AGBL4: variants seen among roughly 807,000 people sequenced by gnomAD.
AGBL4 encodes cytosolic carboxypeptidase 6.
AGBL4 carries 58 observed loss-of-function variants against 66.4 expected under a neutral mutation model. The observed-to-expected ratio is 0.87, with a 90% CI of 0.71 to 1.09. AGBL4 has a LOEUF of 1.09. Ranked by LOEUF, AGBL4 falls within the 50% of genes least tolerant of loss-of-function variation. The pLI is 0.00. For missense variants in AGBL4, 579 were observed against 631.0 expected (o/e 0.92, Z 0.88); for synonymous variants, 234 against 222.9 (o/e 1.05, Z -0.44).
intron 4 of AGBL4, among the ~76,000 whole-genome samples, chr1:49,052,577 T>C (rs1644239205): frequency 6.6e-6 from 1 of 152,148 alleles, no homozygotes; most frequent in African/African-American, 2.4e-5. Flanking sequence ...GGGTATGGGA[T>C]GGTACATGAG....
intron 2 of AGBL4, among the ~76,000 whole-genome samples, chr1:49,806,645 T>C (rs2147960585): frequency 6.6e-6 from 1 of 152,310 alleles, no homozygotes; most frequent in South Asian, 2.1e-4. Context: ...AAGATTAATA[T>C]GAATCAGCCA....
intron 6 of AGBL4, among the ~76,000 whole-genome samples, chr1:48,773,227 A>G (rs1644921188): frequency 6.6e-6 from 1 of 152,172 alleles, no homozygotes. Context: ...CTCTAGGCAC[A>G]GAGAAACCAG....
chr1:49,746,110 A>C (rs1369114854), intron 2 of AGBL4, among the ~76,000 whole-genome samples: 1 of 152,022 alleles, frequency 6.6e-6, no homozygotes, highest in Admixed American at 6.6e-5. Context: ...CACACAGTTT[A>C]TTCATCAGTA....
chr1:49,246,087 C>A (rs1651622952), intron 3 of AGBL4, among the ~76,000 whole-genome samples: 2 of 151,822 alleles, frequency 1.3e-5, no homozygotes, highest in Non-Finnish European at 2.9e-5. Flanking sequence ...ATTTTAGAAC[C>A]AACTCTACTG....
chr1:49,668,632 A>G (rs1210326736), intron 3 of AGBL4, among the ~76,000 whole-genome samples: 1 of 152,168 alleles, frequency 6.6e-6, no homozygotes, highest in Non-Finnish European at 1.5e-5. Flanking sequence ...TGCATCAGCA[A>G]TTGTCAAGTT....
chr1:49,223,970 T>A (rs963721199), intron 4 of AGBL4, among the ~76,000 whole-genome samples: 2 of 152,188 alleles, frequency 1.3e-5, no homozygotes, highest in African/African-American at 4.8e-5. Flanking sequence ...CAGGCTTTAT[T>A]ATTAAATCAT....
chr1:49,051,927 C>G (rs1430609360), intron 4 of AGBL4, among the ~76,000 whole-genome samples: 1 of 152,096 alleles, frequency 6.6e-6, no homozygotes, highest in African/African-American at 2.4e-5. Context: ...TTATCAGGGG[C>G]TGATGGGCAC....
In AGBL4 at chr1:48,534,074, T is replaced by G. The variant is rs1314367369; in HGVS notation, c.*99A>C. On this transcript the variant is annotated 3_prime_UTR_variant, in exon 14 of 14. Coordinates refer to ENST00000371839, the MANE Select transcript of AGBL4 (RefSeq NM_032785.4). ...TCCCTTTCACTAGCCTATGCATTAATCCACAAATCCTTGGAAGCTAGAGAA... is the reference window on the plus strand; with the variant it reads ...TCCCTTTCACTAGCCTATGCATTAAGCCACAAATCCTTGGAAGCTAGAGAA... 1 of 1,524,984 alleles carries G rather than the reference T, an allele frequency of 6.6e-7. No individual in the cohort carries two copies. Among genetic ancestry groups the G allele is most frequent in the Admixed American group, 2.0e-5 (1 of 50,916 alleles). 94.5% of individuals were successfully genotyped at this position (1,524,984 alleles called of 1,614,324 possible). A position where few individuals can be genotyped will look rare whatever the true frequency, so the allele number is the denominator to read the frequency against.
chr1:48,575,515 G>A (rs1025449678), intron 11 of AGBL4, among the ~76,000 whole-genome samples: 1 of 152,076 alleles, frequency 6.6e-6, no homozygotes, highest in African/African-American at 2.4e-5. Flanking sequence ...GTGGGTCACT[G>A]GTGCTTCACT....
At chr1:49,924,813 C>T (rs1652600578) in intron 1 of AGBL4, among the ~76,000 whole-genome samples, 1 of 152,156 alleles carries the variant, frequency 6.6e-6, no homozygotes, top group African/African-American at 2.4e-5. Context: ...TGAAGAGGAG[C>T]TTCCACCAAT....
chr1:49,329,133 C>G (rs985318321), intron 3 of AGBL4, among the ~76,000 whole-genome samples: 24 of 151,730 alleles, frequency 1.6e-4, no homozygotes, highest in Non-Finnish European at 2.6e-4. Context: ...ATGGTGAAAC[C>G]CTGTCTCTAC....
At chr1:49,175,926 T>C (rs1646822425) in intron 4 of AGBL4, among the ~76,000 whole-genome samples, 1 of 152,202 alleles carries the variant, frequency 6.6e-6, no homozygotes, top group Non-Finnish European at 1.5e-5. Context: ...TACTGTTCCA[T>C]AGTTTCATTC....
At chr1:49,648,957 C>CTCA (rs1645947405) in intron 3 of AGBL4, among the ~76,000 whole-genome samples, 1 of 152,050 alleles carries the variant, frequency 6.6e-6, no homozygotes, top group Non-Finnish European at 1.5e-5. Flanking sequence ...TTTTCTCATT[C>CTCA]TTCATTGACC....
chr1:48,979,893 T>G (rs751232233), intron 5 of AGBL4, among the ~76,000 whole-genome samples: 6 of 152,174 alleles, frequency 3.9e-5, no homozygotes, highest in Non-Finnish European at 7.4e-5. Context: ...TTTAAAATTT[T>G]TATTTTACTG....
intron 3 of AGBL4, among the ~76,000 whole-genome samples, chr1:49,679,530 T>C (rs971173486): frequency 2.0e-5 from 3 of 152,260 alleles, no homozygotes; most frequent in East Asian, 1.9e-4. Context: ...TTTCTGCTTT[T>C]TAATTGCTGT....
chr1:49,957,344 G>T (rs926368053), intron 1 of AGBL4, among the ~76,000 whole-genome samples: 1 of 152,010 alleles, frequency 6.6e-6, no homozygotes, highest in Non-Finnish European at 1.5e-5. Context: ...TGTTGATTTG[G>T]GGTGGAGAGT....
chr1:49,034,864 G>A (rs1664515183), intron 5 of AGBL4, among the ~76,000 whole-genome samples: 1 of 152,062 alleles, frequency 6.6e-6, no homozygotes, highest in African/African-American at 2.4e-5. Context: ...TCTTGGGTAT[G>A]TCTTTATTAT....
chr1:49,651,952 C>T (rs1646015330), intron 3 of AGBL4, among the ~76,000 whole-genome samples: 1 of 151,684 alleles, frequency 6.6e-6, no homozygotes, highest in Non-Finnish European at 1.5e-5. Flanking sequence ...AAAATCAACA[C>T]AAAGAAACTA....
intron 12 of AGBL4, 77 bp from the exon 13 acceptor site, chr1:48,534,993 C>G: frequency 1.5e-6 from 2 of 1,335,826 alleles, no homozygotes; most frequent in Admixed American, 4.0e-5. Context: ...TGCTATTCAT[C>G]TGTCATTGAA....
Sources: gnomAD v4.1 joint callset for allele counts (sites outside exome capture counted in the v4.1 genomes callset) on GRCh38, gnomAD v4.1.1 for gene constraint, MANE v1.5 for transcripts, NCBI Gene and HGNC (gene_info 2026-07-23, HGNC 2026-07-21) for gene names.